Variants in TMEM50B observed in about 807,000 individuals in gnomAD.
The protein encoded by TMEM50B is HCV p7-trans-regulated protein 3.
TMEM50B carries 14 observed loss-of-function variants against 23.4 expected under a neutral mutation model. The ratio of observed to expected loss-of-function variants is 0.60; its 90% confidence interval spans 0.39 to 0.93. TMEM50B has a LOEUF of 0.93. Among genes scored for constraint, TMEM50B ranks in the 40% least tolerant of loss-of-function variants. The pLI is 0.00. For missense variants in TMEM50B, 159 were observed against 193.0 expected, an observed-to-expected ratio of 0.82 and a Z score of 1.04; for synonymous variants, 64 against 62.3, an observed-to-expected ratio of 1.03 and a Z score of -0.13.
rs1302367704 is a variant in TMEM50B, at chr21:33,434,960, C to T, written c.*2121-2158G>A. On this transcript the variant is annotated intron_variant and NMD_transcript_variant, in intron 8 of 8. Transcript: ENST00000420455. ...CACTTTTCTAGGAAAGCATAAAGAA[C>T]ATCCGCCAAAGGTCTCTGAGTTACA... is the stretch of plus-strand genomic sequence containing the variant. Among the ~76,000 whole-genome samples the T allele has an allele frequency of 1.8e-4, 28 of 152,280 alleles. 1 individual carries two copies. Among genetic ancestry groups the T allele is most frequent in the African/African-American group, 2.4e-5 (1 of 41,552 alleles).
At chr21:33,437,085 C>G in intron 8 of TMEM50B, 1 of 944,480 alleles carries the variant, frequency 1.1e-6, no homozygotes, top group Non-Finnish European at 1.7e-6. Context: ...AGGCCTGTCC[C>G]TGCAGACATG....
chr21:33,436,637 G>A (rs1371118182), intron 8 of TMEM50B, among the ~76,000 whole-genome samples: 1 of 151,316 alleles, frequency 6.6e-6, no homozygotes, highest in Non-Finnish European at 1.5e-5. Context: ...CAGGAGAATC[G>A]CTTGAACCTG....
At chr21:33,465,460 A>G (rs1167187379) in intron 3 of TMEM50B, 51 bp from the exon 4 acceptor site, 1 of 1,402,216 alleles carries the variant, frequency 7.1e-7, no homozygotes, top group Non-Finnish European at 1.0e-6. Context: ...CTGTTAAAAT[A>G]CTCAAATATT....
intron 7 of TMEM50B, among the ~76,000 whole-genome samples, chr21:33,441,488 A>G (rs2084008496): frequency 1.3e-5 from 2 of 152,168 alleles, no homozygotes; most frequent in Admixed American, 6.5e-5. Flanking sequence ...CCTTGGCTAT[A>G]AGGATCAATA....
intron 8 of TMEM50B, chr21:33,433,020 G>A: frequency 1.4e-6 from 1 of 706,418 alleles, no homozygotes. Context: ...TGAGTAGCTG[G>A]TATTACAAGT....
intron 1 of TMEM50B, among the ~76,000 whole-genome samples, chr21:33,472,533 A>C (rs936263715): frequency 6.6e-6 from 1 of 152,114 alleles, no homozygotes; most frequent in Non-Finnish European, 1.5e-5. Context: ...ATGTAATTAA[A>C]GTTCCCAGAA....
At chr21:33,456,961 A>C (rs962983939) in intron 5 of TMEM50B, among the ~76,000 whole-genome samples, 2 of 152,248 alleles carry the variant, frequency 1.3e-5, no homozygotes. Flanking sequence ...TACAAATAGA[A>C]AAGTATATTT....
At chr21:33,458,899 T>C (rs964169039) in intron 5 of TMEM50B, among the ~76,000 whole-genome samples, 4 of 152,234 alleles carry the variant, frequency 2.6e-5, no homozygotes, top group Admixed American at 1.3e-4. Context: ...TGTCCTCTTG[T>C]AATCTGACTT....
intron 7 of TMEM50B, among the ~76,000 whole-genome samples, chr21:33,444,132 C>A (rs2084032072): frequency 6.6e-6 from 1 of 152,160 alleles, no homozygotes; most frequent in South Asian, 2.1e-4. Context: ...AACTCCTGAC[C>A]TCCGGTGATC....
intron 7 of TMEM50B, among the ~76,000 whole-genome samples, chr21:33,441,254 C>T (rs1053689422): frequency 2.6e-5 from 4 of 151,856 alleles, no homozygotes; most frequent in Non-Finnish European, 4.4e-5. Flanking sequence ...CTTCTTGGTA[C>T]ATAACATTTA....
chr21:33,448,994 A>G (rs1301512650), downstream of TMEM50B: 2 of 152,130 alleles, frequency 1.3e-5, no homozygotes, highest in Non-Finnish European at 2.9e-5. Flanking sequence ...AACCTTCAAT[A>G]ACCCTCACAT....
At chr21:33,446,713 A>G (rs190229029), downstream of TMEM50B, among the ~76,000 whole-genome samples, 6 of 145,832 alleles carry the variant, frequency 4.1e-5, no homozygotes, top group Admixed American at 1.4e-4. Flanking sequence ...CAGAATTTTA[A>G]AAAGGTGTTT....
intron 4 of TMEM50B, among the ~76,000 whole-genome samples, chr21:33,464,544 T>G (rs1002037294): frequency 3.5e-4 from 51 of 143,922 alleles, no homozygotes; most frequent in African/African-American, 1.2e-3. Flanking sequence ...GGTGGCTCAC[T>G]CCTGTAATCC....
chr21:33,436,755 AAAACT>A, intron 8 of TMEM50B: 1 of 1,242,254 alleles, frequency 8.0e-7, no homozygotes, highest in Non-Finnish European at 1.1e-6. Flanking sequence ...AATAAAAACA[AAAACT>A]AAAGTTAAAA....
At chr21:33,475,821 G>A (rs2084364636) in intron 1 of TMEM50B, among the ~76,000 whole-genome samples, 1 of 152,084 alleles carries the variant, frequency 6.6e-6, no homozygotes, top group East Asian at 2.0e-4. Context: ...GGGCGTGGTG[G>A]CACGCACCTG....
At chr21:33,434,126 G>A (rs1191542186) in intron 8 of TMEM50B, among the ~76,000 whole-genome samples, 1 of 152,186 alleles carries the variant, frequency 6.6e-6, no homozygotes, top group East Asian at 1.9e-4. Flanking sequence ...TTATTTTCCT[G>A]CATAACCCCA....
At chr21:33,438,730 GCT>G (rs2083980902) in intron 8 of TMEM50B, among the ~76,000 whole-genome samples, 1 of 93,736 alleles carries the variant, frequency 1.1e-5, no homozygotes, top group African/African-American at 7.2e-5. Flanking sequence ...TAAGAAAGTG[GCT>G]TTTTTTTTTT....
In TMEM50B at chr21:33,467,062, A is replaced by G. The variant is rs993222306; in HGVS notation, c.160T>C (p.Leu54=). The change falls in exon 3 of 7, where the codon TTG becomes CTG. Residue 54 remains leucine (L), a synonymous_variant. Coordinates refer to ENST00000542230, the MANE Select transcript of TMEM50B (RefSeq NM_006134.7). ...CCACATGTGTGAAAGGCATGGTTCAACTGTTCTGGCTTAGGATACACCACA... is the reference window on the plus strand; with the variant it reads ...CCACATGTGTGAAAGGCATGGTTCAGCTGTTCTGGCTTAGGATACACCACA... The part of the protein sequence containing the change: ...AAVVYPKPEQ[L]NHAFHTCGVF... 5.0e-6 allele frequency: 8 copies of G among 1,614,092 alleles called. No homozygotes were observed. The African/African-American group carries it at 1.1e-4, about 22-fold the overall frequency.
chr21:33,468,873 G>C lies in TMEM50B; in HGVS notation c.13C>G (p.Leu5Val). The change falls in exon 2 of 7, where the codon CTA (leucine) becomes GTA (valine). Residue 5 changes from leucine (L) to valine (V), a missense_variant. Coordinates refer to ENST00000542230, the MANE Select transcript of TMEM50B (RefSeq NM_006134.7). ...CATTCTGGCCAACGAAAATTATCTA[G>C]GAAGCCTGCCATTTTTACTTCTTAA... is the stretch of plus-strand genomic sequence containing the variant. MAGFLDNFRWPECEC... is the reference protein window; with the variant it reads MAGFVDNFRWPECEC... 6.2e-7 allele frequency: 1 copy of C among 1,613,170 alleles called. No individual in the cohort carries two copies. Among genetic ancestry groups the C allele is most frequent in the Non-Finnish European group, 8.5e-7 (1 of 1,179,662 alleles).
Sources: allele counts gnomAD v4.1 joint callset (sites outside exome capture counted in the v4.1 genomes callset), GRCh38; gene constraint gnomAD v4.1.1; transcripts MANE v1.5; gene names NCBI Gene and HGNC (gene_info 2026-07-23, HGNC 2026-07-21).